The following IGSF10 variants were observed in gnomAD, a reference collection of about 807,000 sequenced individuals.
The protein encoded by IGSF10 is immunoglobulin superfamily member 10.
A neutral mutation model predicts 128.2 loss-of-function variants in IGSF10; 126 were observed. The observed-to-expected ratio is 0.98, with a 90% CI of 0.85 to 1.14. IGSF10 has a LOEUF of 1.14. IGSF10 is among the 50% of genes most tolerant of loss of function. IGSF10 has a pLI of 0.00. For missense variants in IGSF10, 3,295 were observed against 3,149.8 expected, an observed-to-expected ratio of 1.05 and a Z score of -1.10; for synonymous variants, 1,185 against 1,146.2, an observed-to-expected ratio of 1.03 and a Z score of -0.68.
the IGSF10 span, among the ~76,000 whole-genome samples, chr3:151,532,184 T>C: frequency 6.6e-6 from 1 of 152,008 alleles, no homozygotes; most frequent in African/African-American, 2.4e-5. Context: ...AGGCAGTAAT[T>C]AATAGCCTAC....
the IGSF10 span, among the ~76,000 whole-genome samples, chr3:151,490,503 G>GC: frequency 1.6e-5 from 1 of 63,214 alleles, no homozygotes; most frequent in Non-Finnish European, 3.4e-5. Flanking sequence ...AATTTGAACT[G>GC]CATTTTTTTT....
the IGSF10 span, among the ~76,000 whole-genome samples, chr3:151,597,193 T>G: frequency 6.6e-6 from 1 of 152,186 alleles, no homozygotes. Context: ...AGCATGCATC[T>G]TTAGGCACTG....
the IGSF10 span, among the ~76,000 whole-genome samples, chr3:151,503,091 T>G: frequency 6.6e-6 from 1 of 152,032 alleles, no homozygotes; most frequent in Non-Finnish European, 1.5e-5. Context: ...ATAATGAAGT[T>G]TAAGTCTTGA....
chr3:151,469,733 C>G, the IGSF10 span, among the ~76,000 whole-genome samples: 1 of 152,236 alleles, frequency 6.6e-6, no homozygotes, highest in Non-Finnish European at 1.5e-5. Context: ...CCAATATCCA[C>G]TAAAATCTGA....
the IGSF10 span, among the ~76,000 whole-genome samples, chr3:151,492,393 A>G: frequency 6.6e-6 from 1 of 152,200 alleles, no homozygotes; most frequent in Non-Finnish European, 1.5e-5. Flanking sequence ...AGGAAACCCC[A>G]ACACACTGCT....
the IGSF10 span, among the ~76,000 whole-genome samples, chr3:151,574,558 T>C: frequency 6.6e-6 from 1 of 152,272 alleles, no homozygotes; most frequent in Non-Finnish European, 1.5e-5. Flanking sequence ...GCCATGGTTT[T>C]CAGCTCCATT....
the IGSF10 span, among the ~76,000 whole-genome samples, chr3:151,586,627 T>G: frequency 6.6e-6 from 1 of 152,206 alleles, no homozygotes; most frequent in Admixed American, 6.5e-5. Context: ...ATTCTTTATC[T>G]CCCCTTGAAA....
intron 4 of IGSF10, among the ~76,000 whole-genome samples, chr3:151,455,698 C>T (rs1721759779): frequency 6.6e-6 from 1 of 152,166 alleles, no homozygotes. Context: ...ATGCACAACG[C>T]TTTATCTATC....
At chr3:151,595,344 C>T in the IGSF10 span, among the ~76,000 whole-genome samples, 1 of 152,032 alleles carries the variant, frequency 6.6e-6, no homozygotes, top group East Asian at 1.9e-4. Flanking sequence ...ATATTATTCA[C>T]AATAGCCAAG....
the IGSF10 span, among the ~76,000 whole-genome samples, chr3:151,605,189 C>A: frequency 4.6e-5 from 7 of 152,294 alleles, no homozygotes; most frequent in Non-Finnish European, 7.4e-5. Context: ...ATGTGTCAAG[C>A]AACTCAAATT....
At chr3:151,549,675 G>A in the IGSF10 span, among the ~76,000 whole-genome samples, 1 of 152,024 alleles carries the variant, frequency 6.6e-6, no homozygotes, top group African/African-American at 2.4e-5. Context: ...GTCTTTGGTT[G>A]ATATGCTTTT....
chr3:151,537,957 C>A, the IGSF10 span, among the ~76,000 whole-genome samples: 80 of 152,126 alleles, frequency 5.3e-4, no homozygotes, highest in African/African-American at 1.8e-3. Flanking sequence ...ATTTGAAATC[C>A]TCAGAGCAGC....
In IGSF10 at chr3:151,448,920, A is replaced by G. The variant is rs776323170; in HGVS notation, c.1061T>C (p.Leu354Pro). ...CAAAAATGTTGAAAATGAAGTATTT[A>G]GCACGATGTAGTCATTTTCTTCAGT... Reference protein sequence around the residue: ...AFTEENDYIVLNTSFSTFLVC... With the variant: ...AFTEENDYIVPNTSFSTFLVC... Residue 354 changes from leucine to proline, a missense_variant, in exon 6 of 8, where the codon CTA (leucine) becomes CCA (proline). Physicochemically the swap from Leu to Pro is moderately conservative, Grantham distance 98. Transcript: ENST00000282466. 3 of 1,614,118 alleles carry G rather than the reference A, an allele frequency of 1.9e-6. No individual in the cohort carries two copies. In the African/African-American group the frequency reaches 4.0e-5, roughly 22 times the overall value.
At position 151,453,647 on chromosome 3, in the gene IGSF10, C is replaced by T; in HGVS notation, c.452G>A (p.Gly151Glu). 6.2e-7 allele frequency: 1 copy of T among 1,613,882 alleles called. No individual in the cohort carries two copies. Among genetic ancestry groups the T allele is most frequent in the Non-Finnish European group, 8.5e-7 (1 of 1,179,868 alleles). The change falls in exon 5 of 8, where the codon GGG becomes GAG. Residue 151 changes from glycine (G) to glutamate (E), a missense_variant. By Grantham distance (98) the Gly-to-Glu change is moderately conservative. Coordinates refer to ENST00000282466, the MANE Select transcript of IGSF10 (RefSeq NM_178822.5). The part of the protein sequence containing the change: ...IEFINPEVFY[G>E]LNFLRLVHLE... ...GTGCACCAGGCGGAGAAAGTTGAGCCCATAAAAAACCTCTGGGTTTATAAA... is the reference window on the plus strand; with the variant it reads ...GTGCACCAGGCGGAGAAAGTTGAGCTCATAAAAAACCTCTGGGTTTATAAA...
chr3:151,470,701 G>A, the IGSF10 span, among the ~76,000 whole-genome samples: 1 of 152,072 alleles, frequency 6.6e-6, no homozygotes, highest in Non-Finnish European at 1.5e-5. Flanking sequence ...GCATACTATA[G>A]CCTGCAATTA....
chr3:151,531,231 A>G, the IGSF10 span, among the ~76,000 whole-genome samples: 1 of 152,164 alleles, frequency 6.6e-6, no homozygotes, highest in African/African-American at 2.4e-5. Flanking sequence ...CTCCCACACA[A>G]TAACAGTGGG....
At chr3:151,532,155 A>G in the IGSF10 span, among the ~76,000 whole-genome samples, 1 of 152,188 alleles carries the variant, frequency 6.6e-6, no homozygotes, top group Admixed American at 6.5e-5. Context: ...GAACAGACCA[A>G]TAACAAGTTC....
chr3:151,492,097 C>G, the IGSF10 span, among the ~76,000 whole-genome samples: 1 of 152,034 alleles, frequency 6.6e-6, no homozygotes, highest in Non-Finnish European at 1.5e-5. Flanking sequence ...AAAATATTTG[C>G]AAATCACATA....
chr3:151,586,117 C>T, the IGSF10 span, among the ~76,000 whole-genome samples: 2 of 151,810 alleles, frequency 1.3e-5, no homozygotes, highest in African/African-American at 2.4e-5. Context: ...GTTGCCACCA[C>T]GCCAGGCTAA....
Sources: gnomAD v4.1 joint callset for allele counts (sites outside exome capture counted in the v4.1 genomes callset) on GRCh38, gnomAD v4.1.1 for gene constraint, MANE v1.5 for transcripts, NCBI Gene and HGNC (gene_info 2026-07-23, HGNC 2026-07-21) for gene names.